CYP19A1: variants seen among roughly 807,000 people sequenced by gnomAD.
CYP19A1 encodes the protein cytochrome P450 family 19 subfamily A member 1, also known as aromatase.
Under a neutral mutation model 44.4 loss-of-function variants are expected in CYP19A1, and 32 were observed. That is an observed-to-expected ratio of 0.72 (90% confidence interval 0.54 to 0.97). The LOEUF (loss-of-function observed/expected upper bound fraction) is 0.97, where lower values mean the gene tolerates loss of function less well. Ranked by LOEUF, CYP19A1 falls within the 50% of genes least tolerant of loss-of-function variation. CYP19A1 has a pLI of 0.00. For synonymous variants in CYP19A1, 212 were observed against 215.6 expected, an observed-to-expected ratio of 0.98 and a Z score of 0.14; for missense variants, 598 against 637.8, an observed-to-expected ratio of 0.94 and a Z score of 0.67.
At chr15:51,258,353 A>G (rs2034591013) in intron 1 of CYP19A1, among the ~76,000 whole-genome samples, 1 of 152,036 alleles carries the variant, frequency 6.6e-6, no homozygotes, top group South Asian at 2.1e-4. Flanking sequence ...CTCTCCTACC[A>G]TTGCTCTCCT....
chr15:51,303,632 C>T (rs41399553), intron 1 of CYP19A1, among the ~76,000 whole-genome samples: 5,436 of 151,932 alleles, frequency 0.036, 252 homozygotes, highest in East Asian at 0.14. Context: ...GTGGAAAAAA[C>T]TGTCTGAGCA....
At chr15:51,223,593 T>TCTCTCTCACACA (rs1356666512) in intron 4 of CYP19A1, among the ~76,000 whole-genome samples, 157 of 90,206 alleles carry the variant, frequency 1.7e-3, no homozygotes, top group Admixed American at 2.6e-3. Flanking sequence ...TCTCTCTCTC[T>TCTCTCTCACACA]CACACACACA....
chr15:51,230,690 C>T (rs1380441803), intron 3 of CYP19A1, among the ~76,000 whole-genome samples: 9 of 149,318 alleles, frequency 6.0e-5, no homozygotes, highest in Non-Finnish European at 1.3e-4. Context: ...GCAATCTCAG[C>T]TAATTGCAAA....
At position 51,242,846 on chromosome 15, in the gene CYP19A1, C is replaced by A. The variant is rs201610075; in HGVS notation, c.67G>T (p.Ala23Ser). 2 of 1,595,976 alleles carry A rather than the reference C, an allele frequency of 1.3e-6. No individual in the cohort carries two copies. Among genetic ancestry groups the A allele is most frequent in the South Asian group, 1.1e-5 (1 of 90,680 alleles). ...ITSIVPEAMPAATMPVLLLTG... is the reference protein window; with the variant it reads ...ITSIVPEAMPSATMPVLLLTG... Reference sequence around the variant, plus strand: ...AGGAGCAGGACTGGCATGGTGGCAGCAGGCATGGCTTCAGGCACGATGCTG... The same window carrying A: ...AGGAGCAGGACTGGCATGGTGGCAGAAGGCATGGCTTCAGGCACGATGCTG... The change falls in exon 2 of 10, where the codon GCT becomes TCT. Residue 23 changes from alanine (A) to serine (S), a missense_variant. Physicochemically the swap from Ala to Ser is moderately conservative, Grantham distance 99. Coordinates refer to ENST00000396402, the MANE Select transcript of CYP19A1 (RefSeq NM_000103.4).
intron 3 of CYP19A1, among the ~76,000 whole-genome samples, chr15:51,234,357 T>C (rs531335680): frequency 6.6e-6 from 1 of 152,020 alleles, no homozygotes; most frequent in South Asian, 2.1e-4. Context: ...GTAGTGTGGG[T>C]GGGTTGTGGC....
intron 6 of CYP19A1, chr15:51,216,041 G>A: frequency 3.5e-6 from 3 of 866,814 alleles, no homozygotes; most frequent in Non-Finnish European, 5.0e-6. Context: ...CTGGATACTG[G>A]TAGCGAAATC....
At chr15:51,280,032 C>T (rs904948435) in intron 1 of CYP19A1, 1 of 152,182 alleles carries the variant, frequency 6.6e-6, no homozygotes, top group Non-Finnish European at 1.5e-5. Flanking sequence ...CATCCTAGAC[C>T]CCATGTGACT....
intron 3 of CYP19A1, among the ~76,000 whole-genome samples, chr15:51,236,534 A>G (rs547478498): frequency 8.5e-5 from 13 of 152,366 alleles, no homozygotes; most frequent in African/African-American, 3.1e-4. Context: ...TTGGGAAAGC[A>G]GAAAAGATAA....
chr15:51,262,207 C>T (rs1040418407), intron 1 of CYP19A1, among the ~76,000 whole-genome samples: 1 of 152,196 alleles, frequency 6.6e-6, no homozygotes, highest in Admixed American at 6.5e-5. Context: ...TAGCCAGAGC[C>T]CATCCCTTTG....
chr15:51,273,108 C>T (rs902466371), intron 1 of CYP19A1, among the ~76,000 whole-genome samples: 2 of 152,038 alleles, frequency 1.3e-5, no homozygotes, highest in Admixed American at 6.6e-5. Flanking sequence ...TACAGGTGCA[C>T]GTTACCACAC....
At chr15:51,285,575 G>A (rs897138973) in intron 1 of CYP19A1, among the ~76,000 whole-genome samples, 12 of 152,162 alleles carry the variant, frequency 7.9e-5, no homozygotes, top group Non-Finnish European at 1.5e-4. Context: ...AAAACCCCTC[G>A]TGGCCTCTGG....
chr15:51,264,559 G>A (rs2034848562), intron 1 of CYP19A1, among the ~76,000 whole-genome samples: 1 of 152,176 alleles, frequency 6.6e-6, no homozygotes, highest in Non-Finnish European at 1.5e-5. Flanking sequence ...CCAGCTCCCA[G>A]CACTGAAATT....
chr15:51,252,330 A>G (rs1400275324), intron 1 of CYP19A1, among the ~76,000 whole-genome samples: 4 of 152,054 alleles, frequency 2.6e-5, no homozygotes, highest in Non-Finnish European at 4.4e-5. Context: ...AAAGACCTCA[A>G]ATGAACAACT....
intron 1 of CYP19A1, among the ~76,000 whole-genome samples, chr15:51,302,132 T>A (rs2036126495): frequency 1.3e-5 from 2 of 152,182 alleles, no homozygotes. Flanking sequence ...TCACATTCAG[T>A]CTTTTTTTTC....
chr15:51,238,037 G>C (rs1022650421), intron 2 of CYP19A1, among the ~76,000 whole-genome samples: 2 of 152,206 alleles, frequency 1.3e-5, no homozygotes, highest in Non-Finnish European at 2.9e-5. Context: ...GCTTTTGCTT[G>C]AATCATCTGA....
intron 2 of CYP19A1, among the ~76,000 whole-genome samples, chr15:51,240,844 T>A (rs1054818886): frequency 6.6e-6 from 1 of 152,168 alleles, no homozygotes; most frequent in African/African-American, 2.4e-5. Flanking sequence ...ACCATTCACT[T>A]GTAAAACGAC....
intron 1 of CYP19A1, among the ~76,000 whole-genome samples, chr15:51,330,364 G>T (rs1265692686): frequency 2.6e-5 from 4 of 151,790 alleles, no homozygotes; most frequent in African/African-American, 9.7e-5. Context: ...AGGAGAGAAG[G>T]GGCATAAGAA....
At chr15:51,259,556 CA>C (rs1397877685) in intron 1 of CYP19A1, among the ~76,000 whole-genome samples, 1 of 152,084 alleles carries the variant, frequency 6.6e-6, no homozygotes, top group Non-Finnish European at 1.5e-5. Context: ...AAGGAAGGGT[CA>C]GGGGAAGGGA....
rs144023003 is a variant in CYP19A1, at chr15:51,330,958, G to A, written c.-39+7537C>T. ...GGAGAAGAAGCTACATGGCCGTGAC[G>A]TGGCGAATGAATGAGGGATGAGGAA... On this transcript the variant is annotated intron_variant, in intron 1 of 9. Transcript: ENST00000396402. 2.4e-4 allele frequency among the ~76,000 whole-genome samples: 36 copies of A among 152,290 alleles called. No individual in the cohort carries two copies. In the East Asian group the frequency reaches 6.2e-3, roughly 26 times the overall value.
Sources: gnomAD v4.1 joint callset for allele counts (sites outside exome capture counted in the v4.1 genomes callset) on GRCh38, gnomAD v4.1.1 for gene constraint, MANE v1.5 for transcripts, NCBI Gene and HGNC (gene_info 2026-07-23, HGNC 2026-07-21) for gene names.